RAVER2: variants seen among roughly 807,000 people sequenced by gnomAD.
RAVER2 encodes the protein ribonucleoprotein PTB-binding 2.
In RAVER2, 46 loss-of-function variants were observed where a neutral mutation model predicts 78.1. That is an observed-to-expected ratio of 0.59 (90% CI 0.46 to 0.75). The LOEUF is 0.75. Among genes scored for constraint, RAVER2 ranks in the 30% least tolerant of loss-of-function variants. The pLI is 0.00. For missense variants in RAVER2, 793 were observed against 837.5 expected (o/e 0.95, Z 0.66); for synonymous variants, 311 against 313.3 (o/e 0.99, Z 0.08).
chr1:64,785,408 C>T (rs1452775272), intron 4 of RAVER2, among the ~76,000 whole-genome samples: 2 of 138,548 alleles, frequency 1.4e-5, no homozygotes, highest in African/African-American at 2.7e-5. Context: ...CTTGCTCTGT[C>T]GTTCAGGCTG....
chr1:64,807,169 C>G, intron 8 of RAVER2, 37 bp from the exon 9 acceptor site: 1 of 1,579,528 alleles, frequency 6.3e-7, no homozygotes, highest in Non-Finnish European at 8.6e-7. Context: ...TAAATATTTT[C>G]TAACTAAAAG....
At chr1:64,828,764 C>T (rs1432924089) in intron 11 of RAVER2, among the ~76,000 whole-genome samples, 2 of 151,798 alleles carry the variant, frequency 1.3e-5, no homozygotes, top group African/African-American at 2.4e-5. Flanking sequence ...TATTTTGCAA[C>T]AGATCTCTAG....
intron 4 of RAVER2, among the ~76,000 whole-genome samples, chr1:64,787,072 C>T (rs1305059780): frequency 1.3e-5 from 2 of 152,148 alleles, no homozygotes; most frequent in Non-Finnish European, 2.9e-5. Flanking sequence ...TAGCATTTCT[C>T]ATTGGTTATT....
intron 2 of RAVER2, among the ~76,000 whole-genome samples, chr1:64,771,534 G>T (rs1652318888): frequency 1.3e-5 from 2 of 151,940 alleles, no homozygotes; most frequent in South Asian, 4.1e-4. Context: ...TCTTAATATT[G>T]AAATCTTTTA....
intron 5 of RAVER2, among the ~76,000 whole-genome samples, chr1:64,793,922 A>C (rs539548515): frequency 1.3e-5 from 2 of 152,266 alleles, no homozygotes; most frequent in East Asian, 3.9e-4. Flanking sequence ...ATTTCATTCT[A>C]TAATTTGCTT....
intron 1 of RAVER2, among the ~76,000 whole-genome samples, chr1:64,750,312 T>C (rs181878067): frequency 5.9e-5 from 9 of 151,460 alleles, no homozygotes; most frequent in African/African-American, 1.9e-4. Flanking sequence ...CTTTTCTTTT[T>C]TTTTTTTTTA....
exon 12 of RAVER2, chr1:64,831,064 C>A: frequency 7.1e-7 from 1 of 1,411,442 alleles, no homozygotes; most frequent in South Asian, 1.5e-5. Context: ...TTCATTCAAA[C>A]TAGCCATATC....
chr1:64,778,891 A>G (rs963997324), intron 3 of RAVER2, among the ~76,000 whole-genome samples: 1 of 148,088 alleles, frequency 6.8e-6, no homozygotes, highest in Non-Finnish European at 1.5e-5. Context: ...TTCTTTAATC[A>G]TACATTTGTT....
chr1:64,779,436 A>G (rs1557591185), intron 3 of RAVER2, among the ~76,000 whole-genome samples: 3 of 151,912 alleles, frequency 2.0e-5, no homozygotes, highest in East Asian at 1.9e-4. Flanking sequence ...GGCTGGAATC[A>G]TGGCCCACAG....
chr1:64,808,456 CTTTTTTTTTTT>C lies in RAVER2; in HGVS notation c.1680+995_1680+1005del, dbSNP rs71584460. Among the ~76,000 whole-genome samples the C allele has an allele frequency of 7.2e-3, 741 of 103,172 alleles. 13 individuals carry two copies. Among genetic ancestry groups the C allele is most frequent in the African/African-American group, 0.027 (707 of 25,880 alleles). 67.7% of individuals were successfully genotyped at this position (103,172 alleles called of 152,430 possible). On this transcript the variant is annotated intron_variant, in intron 9 of 11. Transcript: ENST00000294428. ...GTATATTGAGAAAGCTAATGCAGTC[CTTTTTTTTTTT>C]TTTTTTTTTTTTGAGACCAAGTCTT...
At chr1:64,753,756 T>C (rs1651771604) in intron 1 of RAVER2, among the ~76,000 whole-genome samples, 1 of 152,006 alleles carries the variant, frequency 6.6e-6, no homozygotes. Flanking sequence ...ACTCCTGACC[T>C]TGTGATCTGC....
chr1:64,781,346 C>A, intron 3 of RAVER2, 34 bp from the exon 4 acceptor site: 3 of 1,466,908 alleles, frequency 2.0e-6, no homozygotes, highest in Admixed American at 2.2e-5. Flanking sequence ...AAGTAAAGAT[C>A]GGAATTACTG....
intron 5 of RAVER2, among the ~76,000 whole-genome samples, chr1:64,801,540 C>A: frequency 7.3e-6 from 1 of 137,834 alleles, no homozygotes. Context: ...TTTTTAAAGT[C>A]AGAGCAAGTT....
At chr1:64,785,176 T>C (rs1652743852) in intron 4 of RAVER2, among the ~76,000 whole-genome samples, 1 of 152,204 alleles carries the variant, frequency 6.6e-6, no homozygotes, top group Admixed American at 6.5e-5. Flanking sequence ...ATGTTTTCTA[T>C]AGGTTTTTGG....
intron 4 of RAVER2, among the ~76,000 whole-genome samples, chr1:64,783,997 A>G (rs1355771389): frequency 6.6e-6 from 1 of 152,208 alleles, no homozygotes; most frequent in Non-Finnish European, 1.5e-5. Flanking sequence ...GTTCAAGTGA[A>G]TCTGTTCTCA....
At chr1:64,822,532 T>C (rs183156335) in intron 11 of RAVER2, among the ~76,000 whole-genome samples, 3 of 152,248 alleles carry the variant, frequency 2.0e-5, no homozygotes, top group South Asian at 4.2e-4. Flanking sequence ...AAATGAACCA[T>C]AGCAATGTAG....
chr1:64,814,894 T>C (rs1391646198), intron 11 of RAVER2, 54 bp downstream of exon 11: 2 of 1,374,984 alleles, frequency 1.5e-6, no homozygotes, highest in South Asian at 1.8e-5. Context: ...CAACTATATA[T>C]TGAGTTCACT....
Position 64,801,459 on chromosome 1 carries a change from A to G in RAVER2, c.1106-1517A>G, listed in dbSNP as rs183709256. On this transcript the variant is annotated intron_variant, in intron 5 of 11. Transcript: ENST00000294428. ...CAATAATTAGATTAAATTTCTAAAT[A>G]TATTTTCTATCTCATGGTCCTCTTT... 3.3e-5 allele frequency among the ~76,000 whole-genome samples: 5 copies of G among 151,234 alleles called. No homozygotes were observed. The East Asian group carries it at 7.7e-4, about 23-fold the overall frequency.
exon 12 of RAVER2, chr1:64,831,732 T>TAAG (rs978670316): frequency 3.3e-4 from 51 of 152,358 alleles, no homozygotes; most frequent in African/African-American, 1.2e-3. Flanking sequence ...GCCTGCAAGC[T>TAAG]AAGACTAATG....
Sources: gnomAD v4.1 joint callset for allele counts (sites outside exome capture counted in the v4.1 genomes callset) on GRCh38, gnomAD v4.1.1 for gene constraint, MANE v1.5 for transcripts, NCBI Gene and HGNC (gene_info 2026-07-23, HGNC 2026-07-21) for gene names.